The following TJP2 variants were observed in gnomAD, a reference collection of about 807,000 sequenced individuals.
TJP2 encodes the protein Friedreich ataxia region gene X104 (tight junction protein ZO-2).
TJP2 carries 91 observed loss-of-function variants against 133.1 expected under a neutral mutation model. The ratio of observed to expected loss-of-function variants is 0.68; its 90% CI spans 0.58 to 0.81. TJP2 has a LOEUF of 0.81. Among genes scored for constraint, TJP2 ranks in the 40% least tolerant of loss-of-function variants. The probability of loss-of-function intolerance (pLI) is 0.00; values close to 1 mark genes in which losing one functional copy is unlikely to be tolerated. For missense variants in TJP2, 1,541 were observed against 1,565.6 expected (o/e 0.98, Z 0.26); for synonymous variants, 592 against 583.4 (o/e 1.01, Z -0.21).
At position 69,254,336 on chromosome 9, in the gene TJP2, T is replaced by C. The variant is rs1343618111; in HGVS notation, c.3535T>C (p.Tyr1179His). ...QLSEHSKRGY[Y>H]GQSARYRDTE... Reference sequence around the variant, plus strand: ...GTCAGAACACTCCAAGCGCGGTTACTATGGCCAGTCTGCCCGATACCGGGA... The same window carrying C: ...GTCAGAACACTCCAAGCGCGGTTACCATGGCCAGTCTGCCCGATACCGGGA... Residue 1179 changes from tyrosine (Y) to histidine (H), a missense_variant, in exon 23 of 23, where the codon TAT (tyrosine) becomes CAT (histidine). Transcript: ENST00000377245. 6.2e-7 allele frequency: 1 copy of C among 1,614,226 alleles called. No individual in the cohort carries two copies.
intron 1 of TJP2, among the ~76,000 whole-genome samples, chr9:69,206,878 C>CA (rs1263268292): frequency 6.6e-6 from 1 of 152,198 alleles, no homozygotes; most frequent in African/African-American, 2.4e-5. Flanking sequence ...CGCCCGGCCT[C>CA]ATCTCCCTAT....
At chr9:69,137,623 C>T (rs1014530430) in intron 1 of TJP2, among the ~76,000 whole-genome samples, 7 of 151,984 alleles carry the variant, frequency 4.6e-5, no homozygotes, top group Non-Finnish European at 8.8e-5. Flanking sequence ...TTCGGCCTCC[C>T]AAAGTGCTGG....
intron 2 of TJP2, among the ~76,000 whole-genome samples, chr9:69,161,463 G>A (rs13302681): frequency 0.42 from 64,408 of 151,746 alleles, 13,947 homozygotes; most frequent in East Asian, 0.63. Context: ...TCCTGACTTC[G>A]TGATCCATCC....
chr9:69,224,322 G>A (rs1829152182), intron 5 of TJP2, among the ~76,000 whole-genome samples: 1 of 152,130 alleles, frequency 6.6e-6, no homozygotes, highest in Admixed American at 6.5e-5. Context: ...CTCATTGTCA[G>A]CAGAACATGC....
intron 2 of TJP2, among the ~76,000 whole-genome samples, chr9:69,162,258 T>C (rs891032809): frequency 2.0e-5 from 3 of 150,530 alleles, no homozygotes; most frequent in Non-Finnish European, 4.4e-5. Flanking sequence ...GTAAATATTG[T>C]AAGATTTAAA....
At chr9:69,158,415 C>T (rs1210055063) in intron 2 of TJP2, among the ~76,000 whole-genome samples, 4 of 146,982 alleles carry the variant, frequency 2.7e-5, no homozygotes, top group African/African-American at 9.9e-5. Context: ...CTTCTCTGTG[C>T]TTTTTGTTCC....
At chr9:69,135,157 A>T (rs1366726889) in intron 1 of TJP2, among the ~76,000 whole-genome samples, 1 of 152,160 alleles carries the variant, frequency 6.6e-6, no homozygotes, top group African/African-American at 2.4e-5. Context: ...TTGGGGAGAT[A>T]CAAACACTCA....
At chr9:69,203,173 C>T (rs2133135469) in intron 1 of TJP2, among the ~76,000 whole-genome samples, 1 of 144,296 alleles carries the variant, frequency 6.9e-6, no homozygotes, top group South Asian at 2.2e-4. Flanking sequence ...CTCCTCTGCA[C>T]CTGGAGCTAG....
intron 14 of TJP2, among the ~76,000 whole-genome samples, chr9:69,237,426 G>T (rs1290447572): frequency 1.3e-5 from 2 of 152,188 alleles, no homozygotes; most frequent in Non-Finnish European, 2.9e-5. Flanking sequence ...AGCACTTTGG[G>T]AGGCCAAGGT....
rs866597647 is a variant in TJP2 at position 69,140,885 on chromosome 9, C to T, written c.-130-10766C>T. Among the ~76,000 whole-genome samples, 10 of 152,300 alleles carry T rather than the reference C, an allele frequency of 6.6e-5. No homozygotes were observed. In the South Asian group the frequency reaches 8.3e-4, roughly 13 times the overall value. On this transcript the variant is annotated intron_variant, in intron 1 of 5. Transcript: ENST00000423935. Reference sequence around the variant, plus strand: ...TTTTTGGGAGACGGAGTCTCGCTGTCGCCCAGGCTGGAGTGCAGTGGTGCG... The same window carrying T: ...TTTTTGGGAGACGGAGTCTCGCTGTTGCCCAGGCTGGAGTGCAGTGGTGCG...
At chr9:69,244,750 G>A (rs1026613939) in intron 17 of TJP2, among the ~76,000 whole-genome samples, 2 of 152,176 alleles carry the variant, frequency 1.3e-5, no homozygotes, top group Non-Finnish European at 2.9e-5. Context: ...GCATGAGTTG[G>A]ATGTTACTTT....
intron 5 of TJP2, among the ~76,000 whole-genome samples, chr9:69,223,128 A>G (rs1038759497): frequency 1.3e-5 from 2 of 151,248 alleles, no homozygotes; most frequent in Non-Finnish European, 2.9e-5. Flanking sequence ...CTCTATGTTA[A>G]TAAGCTCTCC....
intron 1 of TJP2, among the ~76,000 whole-genome samples, chr9:69,186,745 T>TA (rs1364559033): frequency 1.3e-5 from 2 of 152,252 alleles, no homozygotes; most frequent in African/African-American, 4.8e-5. Context: ...CTAGTAGTGT[T>TA]ACAGCTGGAG....
chr9:69,208,444 G>A (rs894636637), intron 1 of TJP2, among the ~76,000 whole-genome samples: 3 of 152,078 alleles, frequency 2.0e-5, no homozygotes, highest in African/African-American at 4.8e-5. Context: ...TTTAAATTAC[G>A]CTTGCAGGCA....
intron 1 of TJP2, among the ~76,000 whole-genome samples, chr9:69,194,396 G>A (rs923086550): frequency 1.3e-5 from 2 of 152,122 alleles, no homozygotes; most frequent in African/African-American, 4.8e-5. Flanking sequence ...AAATATGGAG[G>A]GGGAGCTATA....
chr9:69,221,252 C>T lies in TJP2; in HGVS notation c.708C>T (p.Asp236=). 1 of 1,608,336 alleles carries T rather than the reference C, an allele frequency of 6.2e-7. No homozygotes were observed. The highest frequency in any genetic ancestry group is 8.5e-7 in the Non-Finnish European group (1 of 1,177,794). The part of the protein sequence containing the change: ...DHDFGPSRDR[D]RDRSRGRSID... ...ACTTTGGGCCATCCCGGGACCGGGACCGTGACCGCAGCCGCGGCCGGAGCA... is the reference window on the plus strand; with the variant it reads ...ACTTTGGGCCATCCCGGGACCGGGATCGTGACCGCAGCCGCGGCCGGAGCA... The change falls in exon 5 of 23, where the codon GAC becomes GAT. Residue 236 remains aspartate, a synonymous_variant. Transcript: ENST00000377245.
intron 13 of TJP2, 27 bp downstream of exon 13, chr9:69,236,265 C>G: frequency 6.2e-7 from 1 of 1,609,528 alleles, no homozygotes; most frequent in Non-Finnish European, 8.5e-7. Context: ...TCTCACATAC[C>G]CCTTTTAATC....
chr9:69,164,893 G>A (rs1156702471), intron 2 of TJP2, among the ~76,000 whole-genome samples: 3 of 151,988 alleles, frequency 2.0e-5, no homozygotes, highest in African/African-American at 7.3e-5. Flanking sequence ...GTAGTGGTGC[G>A]ATCTTGGCTC....
At chr9:69,141,828 A>T (rs1334536380) in intron 1 of TJP2, among the ~76,000 whole-genome samples, 3 of 152,086 alleles carry the variant, frequency 2.0e-5, no homozygotes, top group Non-Finnish European at 2.9e-5. Context: ...GCCTCATGTG[A>T]TCCACCCACC....
Sources: gnomAD v4.1 joint callset for allele counts (sites outside exome capture counted in the v4.1 genomes callset) on GRCh38, gnomAD v4.1.1 for gene constraint, MANE v1.5 for transcripts, NCBI Gene and HGNC (gene_info 2026-07-23, HGNC 2026-07-21) for gene names.